The following TTN variants were observed in gnomAD, a reference collection of about 807,000 sequenced individuals.
TTN encodes titin.
Under a neutral mutation model 3,223.0 loss-of-function variants are expected in TTN, and 1,525 were observed. That is an observed-to-expected ratio of 0.47 (90% CI 0.45 to 0.49). TTN has a LOEUF of 0.49. Among genes scored for constraint, TTN ranks in the 20% least tolerant of loss-of-function variants. The pLI, the probability that TTN is intolerant of heterozygous loss-of-function variation, is 0.00. For missense variants in TTN, 40,786 were observed against 43,424.0 expected, an observed-to-expected ratio of 0.94 and a Z score of 5.40; for synonymous variants, 14,094 against 15,161.0, an observed-to-expected ratio of 0.93 and a Z score of 5.17.
intron 17 of TTN, among the ~76,000 whole-genome samples, chr2:178,783,447 T>G (rs1467165376): frequency 6.6e-6 from 1 of 152,210 alleles, no homozygotes; most frequent in Non-Finnish European, 1.5e-5. Flanking sequence ...TTGGTCTTTA[T>G]GTCTGCACAG....
intron 353 of TTN, 35 bp from the exon 354 acceptor site, chr2:178,538,874 C>T (rs1362265582): frequency 1.9e-6 from 3 of 1,580,868 alleles, no homozygotes; most frequent in Non-Finnish European, 1.7e-6. Context: ...AGGGAGTCAG[C>T]TTTACTGGTG....
At position 178,652,896 on chromosome 2, in the gene TTN, T is replaced by A; in HGVS notation, c.38911A>T (p.Lys12971Ter). 6.2e-7 allele frequency: 1 copy of A among 1,610,318 alleles called. No homozygotes were observed. The highest frequency in any genetic ancestry group is 8.5e-7 in the Non-Finnish European group (1 of 1,178,500). ...EAPIEVVPEK[K>*]MPLAPPKKPE... ...TTTTTAGGAGGAGCCAAGGGCATTTTCTTTTCAGGAACAACCTCTATGGGA... is the reference window on the plus strand; with the variant it reads ...TTTTTAGGAGGAGCCAAGGGCATTTACTTTTCAGGAACAACCTCTATGGGA... Residue 12971 changes from lysine to a stop codon, truncating the protein, a stop_gained, in exon 200 of 363, where the codon AAA (lysine) becomes TAA (stop). Coordinates refer to ENST00000589042, the MANE Select transcript of TTN (RefSeq NM_001267550.2). LOFTEE classifies it high-confidence loss of function.
At chr2:178,652,599 T>C in intron 201 of TTN, 54 bp downstream of exon 201, 1 of 1,609,856 alleles carries the variant, frequency 6.2e-7, no homozygotes, top group Non-Finnish European at 8.5e-7. Flanking sequence ...AGGAAAAATA[T>C]TTTCAAGAGT....
chr2:178,677,334 TC>T, intron 146 of TTN, 47 bp from the exon 147 acceptor site: 1 of 341,500 alleles, frequency 2.9e-6, no homozygotes, highest in Non-Finnish European at 3.6e-6. Context: ...ATATACATGG[TC>T]ATATATATAT....
chr2:178,542,795 G>A lies in TTN; in HGVS notation c.97059C>T (p.Val32353=), dbSNP rs1485410288. ...AGSKLRESER[V]TVETHTKVAK... ...CTACTTTAGTGTGAGTTTCAACTGT[G>A]ACACGCTCTGATTCTCTCAGTTTAG... Residue 32353 remains valine (V), a synonymous_variant, in exon 348 of 363, where the codon GTC becomes GTT. Coordinates refer to ENST00000589042, the MANE Select transcript of TTN (RefSeq NM_001267550.2). The A allele has an allele frequency of 6.2e-7, 1 of 1,613,640 alleles. No individual in the cohort carries two copies. The highest frequency in any genetic ancestry group is 8.5e-7 in the Non-Finnish European group (1 of 1,179,762).
chr2:178,534,425 C>T lies in TTN; in HGVS notation c.102190G>A (p.Ala34064Thr), dbSNP rs200237973. The T allele has an allele frequency of 3.7e-4, 589 of 1,612,052 alleles. 1 individual carries two copies. The highest frequency in any genetic ancestry group is 4.5e-4 in the Non-Finnish European group (536 of 1,179,816). ...LVKERKSRMTASEALQHPWLK... is the reference protein window; with the variant it reads ...LVKERKSRMTTSEALQHPWLK... ...CATGGGTGCTGGAGAGCCTCCGATGCTGTCATGCGAGATTTCCTCTCTTTC... is the reference window on the plus strand; with the variant it reads ...CATGGGTGCTGGAGAGCCTCCGATGTTGTCATGCGAGATTTCCTCTCTTTC... Residue 34064 changes from alanine (A) to threonine (T), a missense_variant, in exon 358 of 363, where the codon GCA (alanine) becomes ACA (threonine). By Grantham distance (58) the Ala-to-Thr change is moderately conservative. Transcript: ENST00000589042.
chr2:178,740,876 C>T lies in TTN; in HGVS notation c.12357G>A (p.Glu4119=). ...TGCTTTCAGGAGTGAGCTTGTCTTG[C>T]TCCAAAATGGATTGCAATTCCTGAG... ...LGAQELQSIL[E]QDKLTPESTR... Residue 4119 remains glutamate, a synonymous_variant, in exon 48 of 363, where the codon GAG becomes GAA. Transcript: ENST00000589042. The T allele has an allele frequency of 6.2e-7, 1 of 1,613,886 alleles. No homozygotes were observed. Among genetic ancestry groups the T allele is most frequent in the South Asian group, 1.1e-5 (1 of 91,078 alleles).
intron 45 of TTN, 52 bp from the exon 46 acceptor site, chr2:178,756,849 G>T: frequency 2.6e-6 from 4 of 1,527,676 alleles, no homozygotes; most frequent in Non-Finnish European, 3.6e-6. Flanking sequence ...TCTAAGCTTT[G>T]TCACTTGCCC....
rs375286376 is a variant in TTN at position 178,773,148 on chromosome 2, C to T, written c.7816G>A (p.Ala2606Thr). 111 of 1,613,730 alleles carry T rather than the reference C, an allele frequency of 6.9e-5. No individual in the cohort carries two copies. The highest frequency in any genetic ancestry group is 8.4e-5 in the Non-Finnish European group (99 of 1,179,928). The change falls in exon 33 of 363, where the codon GCG becomes ACG. Residue 2606 changes from alanine (A) to threonine (T), a missense_variant. Physicochemically the swap from Ala to Thr is moderately conservative, Grantham distance 58. Transcript: ENST00000589042. Reference sequence around the variant, plus strand: ...TTTCCAGATGTCATATTTTCTCCCGCGTAAAATGTGTATTTTCCTTCATCA... The same window carrying T: ...TTTCCAGATGTCATATTTTCTCCCGTGTAAAATGTGTATTTTCCTTCATCA... Reference protein sequence around the residue: ...KDDEGKYTFYAGENMTSGKLT... With the variant: ...KDDEGKYTFYTGENMTSGKLT...
At chr2:178,753,363 G>T in intron 46 of TTN, 183 bp from the exon 47 acceptor site, 1 of 495,242 alleles carries the variant, frequency 2.0e-6, no homozygotes, top group Non-Finnish European at 3.6e-6. Flanking sequence ...TGACAATGTT[G>T]ACAGAAAGAT....
chr2:178,739,829 G>T lies in TTN; in HGVS notation c.13404C>A (p.Asn4468Lys). The T allele has an allele frequency of 1.9e-6, 3 of 1,613,756 alleles. No homozygotes were observed. The highest frequency in any genetic ancestry group is 2.5e-6 in the Non-Finnish European group (3 of 1,179,808). ...IIEDVDPQMA[N>K]LKMELRDALC... ...AAGCATCCCTAAGTTCCATTTTCAG[G>T]TTAGCCATTTGAGGATCAACATCTT... The change falls in exon 48 of 363, where the codon AAC becomes AAA. Residue 4468 changes from asparagine (N) to lysine (K), a missense_variant. Transcript: ENST00000589042.
intron 147 of TTN, 25 bp downstream of exon 147, chr2:178,677,176 G>A (rs2154268188): frequency 1.6e-6 from 2 of 1,214,800 alleles, no homozygotes; most frequent in Admixed American, 4.3e-5. Flanking sequence ...GGTGAACAAT[G>A]TGTATTCACT....
rs199875225 is a variant in TTN at position 178,725,580 on chromosome 2, G to A, written c.20624C>T (p.Ala6875Val). 6.2e-7 allele frequency: 1 copy of A among 1,612,080 alleles called. No homozygotes were observed. Among genetic ancestry groups the A allele is most frequent in the Non-Finnish European group, 8.5e-7 (1 of 1,179,008 alleles). ...AATAGGCTGGGCGCCTTCTATGGAT[G>A]CTTGTAATTCAGCAGGCTCTCCGGC... ...VVAGEPAELQ[A>V]SIEGAQPIFV... Residue 6875 changes from alanine (A) to valine (V), a missense_variant, in exon 71 of 363, where the codon GCA (alanine) becomes GTA (valine). By Grantham distance (64) the Ala-to-Val change is moderately conservative. Coordinates refer to ENST00000589042, the MANE Select transcript of TTN (RefSeq NM_001267550.2).
intron 47 of TTN, chr2:178,746,661 T>G (rs1368385310): frequency 6.2e-7 from 1 of 1,613,296 alleles, no homozygotes; most frequent in Non-Finnish European, 8.5e-7. Context: ...CCTTCTCCTT[T>G]TTGAATGTTA....
Position 178,546,988 on chromosome 2 carries a change from A to T in TTN, c.94522+15T>A. 1 of 1,601,004 alleles carries T rather than the reference A, an allele frequency of 6.2e-7. No homozygotes were observed. The highest frequency in any genetic ancestry group is 1.1e-5 in the South Asian group (1 of 89,590). On this transcript the variant is annotated intron_variant, in intron 340 of 362. Transcript: ENST00000589042. Reference sequence around the variant, plus strand: ...GTAATAATAAACAAATATGCCCTTAAATTGTGATACATACCAACTGGATTT... The same window carrying T: ...GTAATAATAAACAAATATGCCCTTATATTGTGATACATACCAACTGGATTT...
chr2:178,540,214 T>C lies in TTN; in HGVS notation c.97952A>G (p.Asn32651Ser). The C allele has an allele frequency of 6.2e-7, 1 of 1,613,728 alleles. No homozygotes were observed. The highest frequency in any genetic ancestry group is 8.5e-7 in the Non-Finnish European group (1 of 1,179,714). ...KVDQHEWTKCNTTPTKIREYT... is the reference protein window; with the variant it reads ...KVDQHEWTKCSTTPTKIREYT... ...CTCTCGAATCTTGGTTGGAGTGGTG[T>C]TACACTTGGTCCATTCATGTTGATC... The change falls in exon 351 of 363, where the codon AAC becomes AGC. Residue 32651 changes from asparagine (N) to serine (S), a missense_variant. Physicochemically the swap from Asn to Ser is conservative, Grantham distance 46. Coordinates refer to ENST00000589042, the MANE Select transcript of TTN (RefSeq NM_001267550.2).
In TTN at chr2:178,609,323, C is replaced by A. The variant is rs1463878310; in HGVS notation, c.51987G>T (p.Lys17329Asn). The change falls in exon 273 of 363, where the codon AAG becomes AAT. Residue 17329 changes from lysine to asparagine, a missense_variant. By Grantham distance (94) the Lys-to-Asn change is moderately conservative (BLOSUM62 0). Transcript: ENST00000589042. ...TQRLSIDNSK[K>N]GESQLRVRDS... ...CTCGGACGCGTAGCTGAGATTCTCC[C>A]TTTTTGCTGTTGTCAATACTCAAAC... 1 of 1,610,116 alleles carries A rather than the reference C, an allele frequency of 6.2e-7. No individual in the cohort carries two copies. Among genetic ancestry groups the A allele is most frequent in the East Asian group, 2.2e-5 (1 of 44,576 alleles).
intron 242 of TTN, among the ~76,000 whole-genome samples, chr2:178,623,354 A>G (rs919826236): frequency 2.0e-5 from 3 of 151,894 alleles, no homozygotes; most frequent in Non-Finnish European, 2.9e-5. Context: ...TGTGTTTTGT[A>G]TGGGAGGGTG....
chr2:178,651,835 G>C, intron 205 of TTN, 49 bp downstream of exon 205: 1 of 1,600,696 alleles, frequency 6.2e-7, no homozygotes, highest in Non-Finnish European at 8.5e-7. Flanking sequence ...ATCAGGGCAG[G>C]AAGGGGAAAG....
Sources: allele counts gnomAD v4.1 joint callset (sites outside exome capture counted in the v4.1 genomes callset), GRCh38; gene constraint gnomAD v4.1.1; transcripts MANE v1.5; gene names NCBI Gene and HGNC (gene_info 2026-07-23, HGNC 2026-07-21).